MAPKAP1: variants seen among roughly 807,000 people sequenced by gnomAD.
The protein encoded by MAPKAP1 is target of rapamycin complex 2 subunit MAPKAP1.
A neutral mutation model predicts 65.7 loss-of-function variants in MAPKAP1; 20 were observed. The observed-to-expected ratio is 0.30, with a 90% CI of 0.21 to 0.44. The LOEUF (loss-of-function observed/expected upper bound fraction) is 0.44. Ranked by LOEUF, MAPKAP1 falls within the 20% of genes least tolerant of loss-of-function variation. The pLI, the probability that MAPKAP1 is intolerant of heterozygous loss-of-function variation, is 1.00. For missense variants in MAPKAP1, 423 were observed against 648.0 expected (o/e 0.65, Z 3.77); for synonymous variants, 222 against 244.3 (o/e 0.91, Z 0.85).
chr9:125,510,001 T>G (rs548423419), intron 7 of MAPKAP1, among the ~76,000 whole-genome samples: 4 of 152,300 alleles, frequency 2.6e-5, no homozygotes, highest in African/African-American at 9.6e-5. Flanking sequence ...TTCTTGGACT[T>G]TGTCCTATGA....
chr9:125,563,682 C>T (rs539327755), intron 5 of MAPKAP1, among the ~76,000 whole-genome samples: 3 of 151,740 alleles, frequency 2.0e-5, no homozygotes, highest in African/African-American at 7.2e-5. Context: ...GACTCAATCA[C>T]TCTATGAAGA....
At chr9:125,570,744 GA>G (rs905836046) in intron 5 of MAPKAP1, among the ~76,000 whole-genome samples, 3 of 150,314 alleles carry the variant, frequency 2.0e-5, no homozygotes, top group African/African-American at 4.9e-5. Flanking sequence ...TTTTAAGTAA[GA>G]AAAAAAAATC....
In MAPKAP1 at chr9:125,576,215, C is replaced by G. The variant is rs190781433; in HGVS notation, c.671+9340G>C. On this transcript the variant is annotated intron_variant, in intron 5 of 11. Transcript: ENST00000265960. Reference sequence around the variant, plus strand: ...GATGGAGCACAGGACATTTTTAGGGCAGTGAAGCCATTCTGTATGATACAA... The same window carrying G: ...GATGGAGCACAGGACATTTTTAGGGGAGTGAAGCCATTCTGTATGATACAA... Among the ~76,000 whole-genome samples, 64 of 152,278 alleles carry G rather than the reference C, an allele frequency of 4.2e-4. No individual in the cohort carries two copies. The East Asian group carries it at 0.011, about 27-fold the overall frequency.
At chr9:125,535,173 A>G (rs1391846276) in intron 7 of MAPKAP1, among the ~76,000 whole-genome samples, 2 of 144,200 alleles carry the variant, frequency 1.4e-5, no homozygotes, top group East Asian at 1.9e-4. Flanking sequence ...TGGAACTTCT[A>G]TGTTTTGTGA....
intron 10 of MAPKAP1, among the ~76,000 whole-genome samples, chr9:125,454,167 T>C (rs1853070166): frequency 6.6e-6 from 1 of 152,240 alleles, no homozygotes; most frequent in Non-Finnish European, 1.5e-5. Context: ...CTTCAGGAAA[T>C]AAATTAAGAA....
chr9:125,553,147 C>CCCATT (rs781602015), intron 6 of MAPKAP1, among the ~76,000 whole-genome samples: 13 of 152,080 alleles, frequency 8.5e-5, no homozygotes, highest in Admixed American at 3.9e-4. Context: ...TTCCATGTTC[C>CCCATT]CCATTTTCCA....
intron 4 of MAPKAP1, among the ~76,000 whole-genome samples, chr9:125,642,776 C>T (rs1260481690): frequency 6.6e-6 from 1 of 152,148 alleles, no homozygotes; most frequent in Non-Finnish European, 1.5e-5. Context: ...TTTTCTGATT[C>T]ATCCTTGAAT....
chr9:125,545,998 G>A (rs986817498), intron 6 of MAPKAP1, among the ~76,000 whole-genome samples: 5 of 152,168 alleles, frequency 3.3e-5, no homozygotes, highest in South Asian at 4.1e-4. Flanking sequence ...GCTTCCGAGC[G>A]GCTGCCATGT....
At chr9:125,529,246 C>A (rs760583061) in intron 7 of MAPKAP1, among the ~76,000 whole-genome samples, 8 of 150,222 alleles carry the variant, frequency 5.3e-5, no homozygotes, top group Non-Finnish European at 1.0e-4. Context: ...AAAGCCAGAG[C>A]AAGAATTCCT....
intron 4 of MAPKAP1, among the ~76,000 whole-genome samples, chr9:125,617,152 A>G (rs1345926577): frequency 6.6e-6 from 1 of 152,238 alleles, no homozygotes; most frequent in Non-Finnish European, 1.5e-5. Context: ...TTCTTATTAC[A>G]TATGATTCAT....
chr9:125,480,693 C>A (rs1854275095), intron 9 of MAPKAP1, among the ~76,000 whole-genome samples: 1 of 152,176 alleles, frequency 6.6e-6, no homozygotes, highest in Admixed American at 6.5e-5. Flanking sequence ...CTTCTATGGG[C>A]CGGGCGCGGT....
In MAPKAP1 at chr9:125,627,586, C is replaced by T. The variant is rs1371986310; in HGVS notation, c.498+30065G>A. Among the ~76,000 whole-genome samples, 3 of 152,096 alleles carry T rather than the reference C, an allele frequency of 2.0e-5. No homozygotes were observed. In the South Asian group the frequency reaches 6.2e-4, roughly 32 times the overall value. ...GGAAGGCCCTGCCAGCACACTTCAC[C>T]TAACTCTTTTTTATTTTTTTTAAGA... On this transcript the variant is annotated intron_variant, in intron 4 of 11. Coordinates refer to ENST00000265960, the MANE Select transcript of MAPKAP1 (RefSeq NM_001006617.3).
At chr9:125,683,129 T>TG (rs2131827590) in intron 1 of MAPKAP1, among the ~76,000 whole-genome samples, 1 of 151,644 alleles carries the variant, frequency 6.6e-6, no homozygotes, top group East Asian at 1.9e-4. Context: ...CTAATTTTTT[T>TG]GTATTTTTAG....
chr9:125,612,420 T>TA (rs1487184560), intron 4 of MAPKAP1, among the ~76,000 whole-genome samples: 1 of 152,216 alleles, frequency 6.6e-6, no homozygotes, highest in Non-Finnish European at 1.5e-5. Context: ...TTTTTAAATT[T>TA]AAAATTTTTA....
At chr9:125,590,447 C>G (rs1043285025) in intron 4 of MAPKAP1, among the ~76,000 whole-genome samples, 1 of 151,986 alleles carries the variant, frequency 6.6e-6, no homozygotes, top group African/African-American at 2.4e-5. Context: ...GTCAGGAGTT[C>G]GAGACCAGCC....
In MAPKAP1 at chr9:125,643,516, T is replaced by C. The variant is rs148758656; in HGVS notation, c.498+14135A>G. On this transcript the variant is annotated intron_variant, in intron 4 of 11. Transcript: ENST00000265960. ...GGCCTATACATGCTATTTTTTAATC[T>C]TTTTATTCACCATATTATACAAATC... Among the ~76,000 whole-genome samples the C allele has an allele frequency of 2.6e-5, 4 of 152,238 alleles. No homozygotes were observed. In the East Asian group the frequency reaches 5.8e-4, roughly 22 times the overall value.
chr9:125,535,192 CA>C (rs1388023126), intron 7 of MAPKAP1, among the ~76,000 whole-genome samples: 6 of 152,186 alleles, frequency 3.9e-5, no homozygotes, highest in African/African-American at 1.4e-4. Context: ...GACTACATCT[CA>C]AAACATGTTG....
intron 4 of MAPKAP1, among the ~76,000 whole-genome samples, chr9:125,594,451 CT>C (rs1345065312): frequency 2.0e-5 from 3 of 152,206 alleles, no homozygotes; most frequent in Admixed American, 6.5e-5. Context: ...AGACCTTAGA[CT>C]TTGGGAAAGT....
At chr9:125,527,348 G>A (rs1829802888) in intron 7 of MAPKAP1, among the ~76,000 whole-genome samples, 1 of 152,198 alleles carries the variant, frequency 6.6e-6, no homozygotes, top group Non-Finnish European at 1.5e-5. Flanking sequence ...TTACAGGCGT[G>A]AGCCACCGCG....
Sources: gnomAD v4.1 joint callset for allele counts (sites outside exome capture counted in the v4.1 genomes callset) on GRCh38, gnomAD v4.1.1 for gene constraint, MANE v1.5 for transcripts, NCBI Gene and HGNC (gene_info 2026-07-23, HGNC 2026-07-21) for gene names.